MYO6: variants seen among roughly 807,000 people sequenced by gnomAD.
MYO6 encodes the protein myosin VI, also known as unconventional myosin-VI.
Under a neutral mutation model 178.7 loss-of-function variants are expected in MYO6, and 74 were observed. That is an observed-to-expected ratio of 0.41 (90% CI 0.34 to 0.50). The LOEUF is 0.50. Among genes scored for constraint, MYO6 ranks in the 20% least tolerant of loss-of-function variants. MYO6 has a pLI of 0.09. For synonymous variants in MYO6, 477 were observed against 504.6 expected (o/e 0.95, Z 0.73); for missense variants, 1,330 against 1,547.4 (o/e 0.86, Z 2.36).
chr6:75,916,849 T>C lies in MYO6; in HGVS notation c.*1837T>C, dbSNP rs1419763502. 6.6e-6 allele frequency: 1 copy of C among 152,230 alleles called. No homozygotes were observed. Among genetic ancestry groups the C allele is most frequent in the Non-Finnish European group, 1.5e-5 (1 of 68,038 alleles). The allele number at this position is 152,230 out of a possible 1,614,324, so 9.4% of individuals were successfully genotyped here. ...GAGAATCTAATGTTTCAGAAATTTG[T>C]AAGAAATGTATCACAGCAAAGGGTT... On this transcript the variant is annotated 3_prime_UTR_variant, in exon 35 of 35. Transcript: ENST00000369977.
chr6:75,895,260 C>T lies in MYO6; in HGVS notation c.3137C>T (p.Pro1046Leu), dbSNP rs750169450. The change falls in exon 29 of 35, where the codon CCG (proline) becomes CTG (leucine). Residue 1046 changes from proline (P) to leucine (L), a missense_variant and splice_region_variant. This residue lies in a region of MYO6 where 601 missense variants were observed against 626.1 expected (regional missense o/e 0.96). Coordinates refer to ENST00000369977, the MANE Select transcript of MYO6 (RefSeq NM_004999.4). ...GATGGAACAAGACCCAAAATGACAC[C>T]GTATGTCACTTACCTTTACCTTTTT... ...RNDGTRPKMT[P>L]EQMAKEMSEF... is the part of the protein sequence containing the mutation. The T allele has an allele frequency of 1.3e-5, 21 of 1,605,086 alleles. No homozygotes were observed. Among genetic ancestry groups the T allele is most frequent in the Middle Eastern group, 1.6e-4 (1 of 6,066 alleles).
intron 4 of MYO6, among the ~76,000 whole-genome samples, chr6:75,829,654 T>A (rs1464908338): frequency 2.6e-5 from 4 of 152,100 alleles, no homozygotes. Context: ...CAAAATCAAC[T>A]AAATAAAGAA....
rs751690907 is a variant in MYO6, at chr6:75,862,671, A to G, written c.1622A>G (p.Gln541Arg). Residue 541 changes from glutamine (Q) to arginine (R), a missense_variant, in exon 16 of 35, where the codon CAA (glutamine) becomes CGA (arginine). Coordinates refer to ENST00000369977, the MANE Select transcript of MYO6 (RefSeq NM_004999.4). ...EENRLPQPSD[Q>R]HFTSAVHQKH... ...AATCGCCTTCCCCAGCCAAGTGATC[A>G]ACACTTTACATCTGCAGTTCACCAA... is the stretch of plus-strand genomic sequence containing the variant. 2.5e-6 allele frequency: 4 copies of G among 1,614,002 alleles called. No individual in the cohort carries two copies. In the Admixed American group the frequency reaches 6.7e-5, roughly 27 times the overall value.
At chr6:75,910,342 G>T (rs887346031) in intron 32 of MYO6, among the ~76,000 whole-genome samples, 4 of 152,152 alleles carry the variant, frequency 2.6e-5, no homozygotes, top group African/African-American at 4.8e-5. Flanking sequence ...TTAAAAAGAG[G>T]TTCATGTTGT....
rs577702897 is a variant in MYO6 at position 75,836,496 on chromosome 6, A to G, written c.553+540A>G. Among the ~76,000 whole-genome samples, 5 of 151,636 alleles carry G rather than the reference A, an allele frequency of 3.3e-5. No individual in the cohort carries two copies. In the South Asian group the frequency reaches 1.0e-3, roughly 32 times the overall value. ...TGCATGATGCCCTCCTGCATCATAG[A>G]CTCCTGTTTTGTCTCTTCACTTAGA... On this transcript the variant is annotated intron_variant, in intron 7 of 34. Transcript: ENST00000369977.
At chr6:75,803,221 C>G (rs1030424841) in intron 1 of MYO6, among the ~76,000 whole-genome samples, 1 of 151,992 alleles carries the variant, frequency 6.6e-6, no homozygotes, top group East Asian at 1.9e-4. Context: ...GTATCAGTTC[C>G]AAATCACGTA....
rs931086487 is a variant in MYO6, at chr6:75,749,336, A to G, written c.-135A>G. On this transcript the variant is annotated 5_prime_UTR_variant, in exon 1 of 35. Transcript: ENST00000369977. ...GCCCGTCCGCGTCGTCGCCCTCTTC[A>G]CTGGCCCTCATCACTTCTCACCGCG... The G allele has an allele frequency of 1.3e-5, 2 of 153,684 alleles. No homozygotes were observed. Among genetic ancestry groups the G allele is most frequent in the Non-Finnish European group, 2.9e-5 (2 of 69,428 alleles). 9.5% of individuals were successfully genotyped at this position (153,684 alleles called of 1,614,324 possible).
At chr6:75,776,996 T>G (rs1211623922) in intron 1 of MYO6, among the ~76,000 whole-genome samples, 1 of 152,166 alleles carries the variant, frequency 6.6e-6, no homozygotes, top group Non-Finnish European at 1.5e-5. Flanking sequence ...ACGAAACCAT[T>G]TTTTTAATCG....
chr6:75,902,311 T>C (rs1335479930), intron 30 of MYO6, among the ~76,000 whole-genome samples: 9 of 152,318 alleles, frequency 5.9e-5, no homozygotes, highest in Middle Eastern at 3.4e-3. Flanking sequence ...TACCAGTTCC[T>C]CCTTGTACCT....
chr6:75,819,796 G>A (rs1771693318), intron 2 of MYO6, among the ~76,000 whole-genome samples: 1 of 152,218 alleles, frequency 6.6e-6, no homozygotes, highest in South Asian at 2.1e-4. Context: ...GCTCATGCCT[G>A]TAATCCTAGA....
At position 75,841,257 on chromosome 6, in the gene MYO6, A is replaced by C; in HGVS notation, c.695A>C (p.Lys232Thr). 3 of 1,613,556 alleles carry C rather than the reference A, an allele frequency of 1.9e-6. No individual in the cohort carries two copies. Among genetic ancestry groups the C allele is most frequent in the Non-Finnish European group, 2.5e-6 (3 of 1,179,510 alleles). ...TTTGTTTCACATTATCTCCTAGAGA[A>C]ATCTAGGATCTGTGTTCAAGGCAAA... Reference protein sequence around the residue: ...GGFVSHYLLEKSRICVQGKEE... With the variant: ...GGFVSHYLLETSRICVQGKEE... The change falls in exon 9 of 35, where the codon AAA becomes ACA. Residue 232 changes from lysine (K) to threonine (T), a missense_variant. Around this residue, in one of 3 missense-constraint regions of MYO6, gnomAD observed 613 missense variants for 816.8 expected, o/e 0.75. Transcript: ENST00000369977.
At chr6:75,770,798 T>C (rs1431183066) in intron 1 of MYO6, among the ~76,000 whole-genome samples, 2 of 152,046 alleles carry the variant, frequency 1.3e-5, no homozygotes, top group Non-Finnish European at 2.9e-5. Context: ...TATAGGCATT[T>C]TCCAATGACC....
At chr6:75,892,849 A>G (rs572074267) in intron 28 of MYO6, among the ~76,000 whole-genome samples, 159 bp downstream of exon 28, 135 of 152,314 alleles carry the variant, frequency 8.9e-4, no homozygotes, top group African/African-American at 3.1e-3. Flanking sequence ...ATCGACTTTC[A>G]TACTCAAGTG....
chr6:75,914,270 T>C lies in MYO6; in HGVS notation c.3647T>C (p.Leu1216Pro). Residue 1216 changes from leucine to proline, a missense_variant, in exon 34 of 35, where the codon CTA becomes CCA. Coordinates refer to ENST00000369977, the MANE Select transcript of MYO6 (RefSeq NM_004999.4). ...CTCCATCCTGACAAGCCACCCATCC[T>C]ACTTGTGGCTGGTGTGTATGATTCA... Reference protein sequence around the residue: ...MELHPDKPPILLVAGKDDMEM... With the variant: ...MELHPDKPPIPLVAGKDDMEM... 1 of 1,614,182 alleles carries C rather than the reference T, an allele frequency of 6.2e-7. No individual in the cohort carries two copies. The highest frequency in any genetic ancestry group is 8.5e-7 in the Non-Finnish European group (1 of 1,179,990).
Position 75,915,362 on chromosome 6 carries a change from T to C in MYO6, c.*350T>C, listed in dbSNP as rs699186. ...ACTTTTTTCAAAATTCAAAATACTT[T>C]TTAAGGATGGCACAGTACCATATAA... On this transcript the variant is annotated 3_prime_UTR_variant, in exon 35 of 35. Transcript: ENST00000369977. 123,394 of 338,144 alleles carry C rather than the reference T, an allele frequency of 0.36. 24,140 individuals are homozygous for C. The highest frequency in any genetic ancestry group is 0.51 in the Admixed American group (11,770 of 23,198). The allele number at this position is 338,144 out of a possible 1,614,324, so 20.9% of individuals were successfully genotyped here.
intron 1 of MYO6, among the ~76,000 whole-genome samples, chr6:75,760,349 G>T (rs58338716): frequency 1.7e-3 from 253 of 152,174 alleles, no homozygotes; most frequent in African/African-American, 5.9e-3. Context: ...TAAAGAGATG[G>T]TATGAAGGAT....
intron 1 of MYO6, among the ~76,000 whole-genome samples, chr6:75,786,681 A>G (rs1425143662): frequency 2.6e-5 from 4 of 152,210 alleles, no homozygotes; most frequent in Non-Finnish European, 4.4e-5. Flanking sequence ...GAATTCCTGC[A>G]TACCCTTTAC....
Position 75,907,616 on chromosome 6 carries a change from T to G in MYO6, c.3188T>G (p.Val1063Gly). 6.2e-7 allele frequency: 1 copy of G among 1,612,922 alleles called. No individual in the cohort carries two copies. The highest frequency in any genetic ancestry group is 1.7e-4 in the Middle Eastern group (1 of 6,058). ...MSEFLSRGPAVLATKAAAGTK... is the reference protein window; with the variant it reads ...MSEFLSRGPAGLATKAAAGTK... The stretch of plus-strand genomic sequence containing the variant: ...TGTAATAATTACAGAGGTCCTGCTG[T>G]ACTAGCCACCAAAGCAGCTGCTGGT... Residue 1063 changes from valine to glycine, a missense_variant, in exon 31 of 35, where the codon GTA becomes GGA. By Grantham distance (109) the Val-to-Gly change is moderately radical. Transcript: ENST00000369977.
intron 29 of MYO6, among the ~76,000 whole-genome samples, chr6:75,897,503 A>G (rs1305611711): frequency 1.3e-5 from 2 of 152,058 alleles, no homozygotes; most frequent in Non-Finnish European, 2.9e-5. Context: ...GGAGTGTTCT[A>G]CTCCTTTAGT....
Sources: gnomAD v4.1 joint callset for allele counts (sites outside exome capture counted in the v4.1 genomes callset) on GRCh38, gnomAD v4.1.1 for gene constraint, gnomAD v4.1.1 regional missense constraint, MANE v1.5 for transcripts, NCBI Gene and HGNC (gene_info 2026-07-23, HGNC 2026-07-21) for gene names.